Variants in SGIP1 observed in about 807,000 individuals in gnomAD.
The protein encoded by SGIP1 is SH3GL interacting endocytic adaptor 1, also known as SH3-containing GRB2-like protein 3-interacting protein 1.
A neutral mutation model predicts 107.5 loss-of-function variants in SGIP1; 38 were observed. That is an observed-to-expected ratio of 0.35 (90% CI 0.27 to 0.46). The LOEUF (loss-of-function observed/expected upper bound fraction) is 0.46, where lower values mean the gene tolerates loss of function less well. Among genes scored for constraint, SGIP1 ranks in the 20% least tolerant of loss-of-function variants. The probability of loss-of-function intolerance (pLI) is 1.00; values close to 1 mark genes in which losing one functional copy is unlikely to be tolerated. For missense variants in SGIP1, 929 were observed against 1,019.5 expected (o/e 0.91, Z 1.21); for synonymous variants, 365 against 366.1 (o/e 1.00, Z 0.03).
intron 2 of SGIP1, among the ~76,000 whole-genome samples, chr1:66,630,900 AAAGAAGG>A (rs2074326118): frequency 3.3e-5 from 1 of 30,150 alleles, no homozygotes; most frequent in Non-Finnish European, 5.8e-5. Flanking sequence ...AGAAAGAAAG[AAAGAAGG>A]GAGGGAGGGA....
chr1:66,585,271 C>T (rs1219451347), intron 1 of SGIP1, among the ~76,000 whole-genome samples: 1 of 152,256 alleles, frequency 6.6e-6, no homozygotes, highest in East Asian at 1.9e-4. Context: ...TTTTGACAGT[C>T]CTCTATAATC....
rs2092694356 is a variant in SGIP1, at chr1:66,708,671, G to A, written c.1631-10623G>A. 3.3e-5 allele frequency among the ~76,000 whole-genome samples: 5 copies of A among 152,166 alleles called. No individual in the cohort carries two copies. The South Asian group carries it at 1.0e-3, about 32-fold the overall frequency. ...AATTGGGCATTAATTTTGGATGACA[G>A]TTTAGGTGCTCTAGGCAAAGACCCA... On this transcript the variant is annotated intron_variant, in intron 18 of 24. Coordinates refer to ENST00000371037, the MANE Select transcript of SGIP1 (RefSeq NM_032291.4).
Position 66,745,178 on chromosome 1 carries a change from C to CA in SGIP1, c.*2089dup, listed in dbSNP as rs2094536136. 1 of 150,980 alleles carries CA rather than the reference C, an allele frequency of 6.6e-6. No homozygotes were observed. The allele number at this position is 150,980 out of a possible 1,614,324, so 9.4% of individuals were successfully genotyped here. A position where few individuals can be genotyped will look rare whatever the true frequency, so the allele number is the denominator to read the frequency against. On this transcript the variant is annotated 3_prime_UTR_variant, in exon 25 of 25. Coordinates refer to ENST00000371037, the MANE Select transcript of SGIP1 (RefSeq NM_032291.4). ...TAATTAAACACAAGGGTTTTTTTCC[C>CA]AAAAAATAATTTTACTGATTTTTAA...
intron 7 of SGIP1, among the ~76,000 whole-genome samples, chr1:66,652,739 A>T (rs901077948): frequency 6.6e-6 from 1 of 151,428 alleles, no homozygotes; most frequent in African/African-American, 2.4e-5. Context: ...TCAGCACCCC[A>T]TTGAGTTCAG....
chr1:66,587,805 T>G (rs1262559670), intron 1 of SGIP1, among the ~76,000 whole-genome samples: 4 of 152,024 alleles, frequency 2.6e-5, no homozygotes, highest in Admixed American at 6.6e-5. Context: ...CTGTCAATCA[T>G]CTTCACAAAG....
At chr1:66,709,442 A>G (rs1042445737) in intron 18 of SGIP1, among the ~76,000 whole-genome samples, 1 of 152,122 alleles carries the variant, frequency 6.6e-6, no homozygotes, top group African/African-American at 2.4e-5. Context: ...ACTGGCTGCA[A>G]AAACATGGGT....
chr1:66,673,197 A>T, intron 11 of SGIP1, 84 bp from the exon 12 acceptor site: 1 of 1,414,438 alleles, frequency 7.1e-7, no homozygotes, highest in Non-Finnish European at 1.0e-6. Context: ...TTCACTAAGA[A>T]AAATATGTGA....
chr1:66,556,513 G>A (rs937635675), intron 1 of SGIP1, among the ~76,000 whole-genome samples: 2 of 152,088 alleles, frequency 1.3e-5, no homozygotes, highest in South Asian at 2.1e-4. Flanking sequence ...TCACAAAAGC[G>A]TGTGCAGACT....
intron 12 of SGIP1, among the ~76,000 whole-genome samples, chr1:66,675,824 A>G (rs115011015): frequency 0.012 from 1,838 of 151,972 alleles, 40 homozygotes; most frequent in African/African-American, 0.042. Flanking sequence ...GTGAGCCACC[A>G]TGCCTGGCCT....
At chr1:66,624,980 A>G (rs2149305812) in intron 1 of SGIP1, among the ~76,000 whole-genome samples, 1 of 152,294 alleles carries the variant, frequency 6.6e-6, no homozygotes, top group Non-Finnish European at 1.5e-5. Context: ...TGCTTCCTGG[A>G]AGATATTTGA....
chr1:66,570,977 C>G (rs1398772972), intron 1 of SGIP1, among the ~76,000 whole-genome samples: 1 of 151,902 alleles, frequency 6.6e-6, no homozygotes, highest in Admixed American at 6.6e-5. Context: ...TAAAATCATC[C>G]TCTTGGAAAT....
intron 24 of SGIP1, among the ~76,000 whole-genome samples, chr1:66,742,615 G>T: frequency 6.7e-6 from 1 of 149,632 alleles, no homozygotes; most frequent in African/African-American, 2.5e-5. Context: ...GACTACAGGC[G>T]CCCACCACCA....
intron 1 of SGIP1, among the ~76,000 whole-genome samples, chr1:66,601,082 G>T (rs1019565069): frequency 2.0e-5 from 3 of 152,158 alleles, no homozygotes; most frequent in African/African-American, 4.8e-5. Context: ...AAGAAGTAAA[G>T]GCCGGGCGCG....
intron 1 of SGIP1, among the ~76,000 whole-genome samples, chr1:66,541,911 C>T (rs1429007742): frequency 2.0e-5 from 3 of 152,100 alleles, no homozygotes; most frequent in Non-Finnish European, 2.9e-5. Context: ...AACAATGTCC[C>T]CCTTCTTCAG....
At chr1:66,550,218 GTTTATTT>G (rs1478331007) in intron 1 of SGIP1, among the ~76,000 whole-genome samples, 2 of 152,028 alleles carry the variant, frequency 1.3e-5, no homozygotes, top group African/African-American at 4.8e-5. Flanking sequence ...TGAAATTATG[GTTTATTT>G]TTTATTTTTT....
At chr1:66,660,600 G>A (rs1200674935) in intron 8 of SGIP1, 76 bp downstream of exon 8, 1 of 1,331,712 alleles carries the variant, frequency 7.5e-7, no homozygotes, top group East Asian at 2.3e-5. Flanking sequence ...CATATCTAAT[G>A]ACTGACTGTG....
At chr1:66,738,042 G>A (rs759094955) in intron 21 of SGIP1, among the ~76,000 whole-genome samples, 10 of 151,964 alleles carry the variant, frequency 6.6e-5, no homozygotes, top group Non-Finnish European at 1.3e-4. Context: ...AGAAAAAGGG[G>A]TGGGGGAGGG....
intron 1 of SGIP1, among the ~76,000 whole-genome samples, chr1:66,565,946 A>T: frequency 6.6e-6 from 1 of 152,040 alleles, no homozygotes; most frequent in South Asian, 2.1e-4. Flanking sequence ...TGTAAATTGT[A>T]AGCAGTCATC....
rs1164746410 is a variant in SGIP1 at position 66,749,388 on chromosome 1, T to C, written c.*6293T>C. On this transcript the variant is annotated 3_prime_UTR_variant, in exon 25 of 25. Transcript: ENST00000371037. ...TTGGGGAAAGCTAAGAGCAGTGCAC[T>C]GTTTAGCACAGATTTTGTGAGATTC... 6.6e-6 allele frequency among the ~76,000 whole-genome samples: 1 copy of C among 151,944 alleles called. No individual in the cohort carries two copies.
Sources: gnomAD v4.1 joint callset for allele counts (sites outside exome capture counted in the v4.1 genomes callset) on GRCh38, gnomAD v4.1.1 for gene constraint, MANE v1.5 for transcripts, NCBI Gene and HGNC (gene_info 2026-07-23, HGNC 2026-07-21) for gene names.